SLC14A2: variants seen among roughly 807,000 people sequenced by gnomAD.
SLC14A2 encodes solute carrier family 14 member 2, also known as urea transporter 2.
SLC14A2 carries 91 observed loss-of-function variants against 104.6 expected under a neutral mutation model. The observed-to-expected ratio is 0.87, with a 90% CI of 0.73 to 1.04. The LOEUF (loss-of-function observed/expected upper bound fraction) is 1.04, where lower values mean the gene tolerates loss of function less well. Ranked by LOEUF, SLC14A2 falls within the 50% of genes least tolerant of loss-of-function variation. The pLI is 0.00. For synonymous variants in SLC14A2, 476 were observed against 466.4 expected, an observed-to-expected ratio of 1.02 and a Z score of -0.27; for missense variants, 1,189 against 1,156.0, an observed-to-expected ratio of 1.03 and a Z score of -0.41.
At chr18:45,523,273 A>G (rs931426654) in intron 2 of SLC14A2, among the ~76,000 whole-genome samples, 1 of 151,962 alleles carries the variant, frequency 6.6e-6, no homozygotes, top group Non-Finnish European at 1.5e-5. Flanking sequence ...TATCACAAAG[A>G]CAGGTCGCCC....
At chr18:45,424,195 G>A (rs1474495792) in intron 1 of SLC14A2, 1 of 152,182 alleles carries the variant, frequency 6.6e-6, no homozygotes, top group Admixed American at 6.5e-5. Flanking sequence ...CTGTTTAAAA[G>A]GCCTGGGATC....
chr18:45,374,621 G>A (rs945696346), intron 1 of SLC14A2, among the ~76,000 whole-genome samples: 2 of 151,408 alleles, frequency 1.3e-5, no homozygotes, highest in Non-Finnish European at 2.9e-5. Flanking sequence ...TGCTATTAGA[G>A]GCAAAACTAA....
At chr18:45,273,414 T>C (rs2084670974) in intron 1 of SLC14A2, among the ~76,000 whole-genome samples, 1 of 152,108 alleles carries the variant, frequency 6.6e-6, no homozygotes, top group South Asian at 2.1e-4. Flanking sequence ...TTATCTTCTC[T>C]GGAGGTAAAA....
intron 1 of SLC14A2, among the ~76,000 whole-genome samples, chr18:45,380,690 G>A (rs191259663): frequency 2.0e-5 from 3 of 152,308 alleles, no homozygotes; most frequent in African/African-American, 7.2e-5. Context: ...GTCTCATTTT[G>A]TCTTGGTCTC....
intron 1 of SLC14A2, among the ~76,000 whole-genome samples, chr18:45,414,765 T>A (rs369295748): frequency 0.069 from 2,981 of 43,468 alleles, 185 homozygotes; most frequent in African/African-American, 0.13. Context: ...AAAATATATA[T>A]ATATATATAT....
At chr18:45,664,926 G>A (rs1396426302) in intron 11 of SLC14A2, among the ~76,000 whole-genome samples, 2 of 152,148 alleles carry the variant, frequency 1.3e-5, no homozygotes, top group Non-Finnish European at 2.9e-5. Flanking sequence ...TCAGGATAGG[G>A]GCTGTGGTTG....
chr18:45,477,642 A>G (rs546535546), intron 1 of SLC14A2, among the ~76,000 whole-genome samples: 4 of 152,276 alleles, frequency 2.6e-5, no homozygotes, highest in Admixed American at 2.6e-4. Flanking sequence ...CTATAAGCCC[A>G]TGACTGGGGC....
intron 1 of SLC14A2, among the ~76,000 whole-genome samples, chr18:45,398,624 G>A (rs2144442565): frequency 6.6e-6 from 1 of 152,208 alleles, no homozygotes; most frequent in East Asian, 1.9e-4. Flanking sequence ...CCACAATAAG[G>A]AATGAAACTC....
chr18:45,555,534 A>G (rs1448496870), intron 2 of SLC14A2, among the ~76,000 whole-genome samples: 1 of 152,238 alleles, frequency 6.6e-6, no homozygotes, highest in Admixed American at 6.5e-5. Flanking sequence ...AAAAAAGCTC[A>G]ACAGACTCTT....
At chr18:45,471,544 C>T (rs1374093801) in intron 1 of SLC14A2, among the ~76,000 whole-genome samples, 1 of 152,116 alleles carries the variant, frequency 6.6e-6, no homozygotes, top group Non-Finnish European at 1.5e-5. Context: ...TATGCATAAG[C>T]ATAGATCTAT....
intron 1 of SLC14A2, among the ~76,000 whole-genome samples, chr18:45,361,810 T>C (rs1160087034): frequency 6.6e-6 from 1 of 152,046 alleles, no homozygotes; most frequent in African/African-American, 2.4e-5. Flanking sequence ...AATTTTTTTT[T>C]TTAAATCTTG....
At chr18:45,250,807 G>A (rs1302436120) in intron 1 of SLC14A2, among the ~76,000 whole-genome samples, 1 of 135,490 alleles carries the variant, frequency 7.4e-6, no homozygotes, top group African/African-American at 2.9e-5. Context: ...TGAGAAAGAA[G>A]GTTATCTTTA....
intron 1 of SLC14A2, among the ~76,000 whole-genome samples, chr18:45,622,487 A>C (rs2045188792): frequency 6.6e-6 from 1 of 152,194 alleles, no homozygotes; most frequent in South Asian, 2.1e-4. Context: ...TAAATCTGTT[A>C]ATCCACTGCT....
At chr18:45,241,121 G>A (rs2084311357) in intron 1 of SLC14A2, among the ~76,000 whole-genome samples, 1 of 152,210 alleles carries the variant, frequency 6.6e-6, no homozygotes. Context: ...AAGGTGAAAA[G>A]TGCAGAGCAG....
upstream of SLC14A2, among the ~76,000 whole-genome samples, chr18:45,613,581 C>T (rs2045009033): frequency 6.6e-6 from 1 of 152,152 alleles, no homozygotes; most frequent in Non-Finnish European, 1.5e-5. Flanking sequence ...CAGAGGTGGT[C>T]TCAAATGGAG....
intron 1 of SLC14A2, among the ~76,000 whole-genome samples, chr18:45,391,698 G>A (rs1219813398): frequency 6.6e-6 from 1 of 152,158 alleles, no homozygotes; most frequent in African/African-American, 2.4e-5. Context: ...ATTTTTTCAT[G>A]TGTCTTTTGG....
intron 1 of SLC14A2, among the ~76,000 whole-genome samples, chr18:45,314,290 A>G (rs1469916447): frequency 6.6e-6 from 1 of 152,222 alleles, no homozygotes; most frequent in Non-Finnish European, 1.5e-5. Flanking sequence ...ACACCACTGC[A>G]TATGTTCTCA....
chr18:45,490,505 A>C lies in SLC14A2; in HGVS notation c.-35+7183A>C, dbSNP rs563960230. 2.2e-3 allele frequency among the ~76,000 whole-genome samples: 335 copies of C among 152,370 alleles called. 2 individuals are homozygous for C. The highest frequency in any genetic ancestry group is 0.01 in the Middle Eastern group (3 of 294). ...GTTAAAGTAAAAAATTATCTTTTAA[A>C]CTATTCAAAGAATATTCAGGAAGAT... On this transcript the variant is annotated intron_variant, in intron 2 of 20. Transcript: ENST00000586448.
At chr18:45,598,206 G>C (rs1404122343) in intron 2 of SLC14A2, among the ~76,000 whole-genome samples, 1 of 152,172 alleles carries the variant, frequency 6.6e-6, no homozygotes. Context: ...TAGCGTGTCT[G>C]TGCCCACGTA....
Sources: gnomAD v4.1 joint callset for allele counts (sites outside exome capture counted in the v4.1 genomes callset) on GRCh38, gnomAD v4.1.1 for gene constraint, MANE v1.5 for transcripts, NCBI Gene and HGNC (gene_info 2026-07-23, HGNC 2026-07-21) for gene names.